ESRRG: variants seen among roughly 807,000 people sequenced by gnomAD.
ESRRG encodes the protein estrogen-related receptor gamma.
ESRRG carries 13 observed loss-of-function variants against 44.0 expected under a neutral mutation model. The ratio of observed to expected loss-of-function variants is 0.30; its 90% CI spans 0.19 to 0.47. The LOEUF (loss-of-function observed/expected upper bound fraction) is 0.47, where lower values mean the gene tolerates loss of function less well. ESRRG is among the 20% of genes least tolerant of loss of function. The pLI, the probability that ESRRG is intolerant of heterozygous loss-of-function variation, is 1.00. For missense variants in ESRRG, 395 were observed against 580.6 expected, an observed-to-expected ratio of 0.68 and a Z score of 3.29; for synonymous variants, 215 against 214.6, an observed-to-expected ratio of 1.00 and a Z score of -0.02.
chr1:217,059,396 C>T (rs146611951), intron 1 of ESRRG, among the ~76,000 whole-genome samples: 72 of 152,140 alleles, frequency 4.7e-4, no homozygotes, highest in East Asian at 1.7e-3. Flanking sequence ...AGTACCAACG[C>T]GCATCCCTAG....
At chr1:216,827,022 C>T (rs1307609147) in intron 2 of ESRRG, among the ~76,000 whole-genome samples, 1 of 152,060 alleles carries the variant, frequency 6.6e-6, no homozygotes, top group African/African-American at 2.4e-5. Flanking sequence ...GCATTGATTG[C>T]TTCAAGACCA....
At chr1:216,848,052 T>G (rs113980730) in intron 2 of ESRRG, among the ~76,000 whole-genome samples, 9 of 152,256 alleles carry the variant, frequency 5.9e-5, no homozygotes, top group African/African-American at 1.9e-4. Flanking sequence ...GTAGGATGTT[T>G]AGCAGCATCC....
intron 1 of ESRRG, among the ~76,000 whole-genome samples, chr1:217,083,673 T>C (rs1199535467): frequency 4.6e-5 from 7 of 152,330 alleles, no homozygotes; most frequent in Non-Finnish European, 7.3e-5. Context: ...TTGAAGGTGA[T>C]TGGGCCAAAG....
intron 2 of ESRRG, among the ~76,000 whole-genome samples, chr1:216,808,929 T>C (rs2094883329): frequency 6.6e-6 from 1 of 151,944 alleles, no homozygotes; most frequent in Non-Finnish European, 1.5e-5. Flanking sequence ...TTTTTTTTTC[T>C]CAAATGGGAA....
In ESRRG at chr1:217,114,445, C is replaced by A. The variant is rs17045277; in HGVS notation, c.-230+23222G>T. Among the ~76,000 whole-genome samples the A allele has an allele frequency of 2.1e-4, 32 of 152,186 alleles. No individual in the cohort carries two copies. In the South Asian group the frequency reaches 6.4e-3, roughly 31 times the overall value. On this transcript the variant is annotated intron_variant, in intron 1 of 8. Transcript: ENST00000366940. ...CCCAGATCAAGGTGTCTAATTGCAG[C>A]TGTAGTCTAACTTCAGGATAAAACA...
chr1:216,869,824 A>AT (rs1287364193), intron 2 of ESRRG, among the ~76,000 whole-genome samples: 1 of 151,888 alleles, frequency 6.6e-6, no homozygotes, highest in Non-Finnish European at 1.5e-5. Flanking sequence ...ATTTTTTTAA[A>AT]TTTTTTAAGT....
At chr1:216,754,118 A>AG (rs2092289454) in intron 2 of ESRRG, among the ~76,000 whole-genome samples, 1 of 152,050 alleles carries the variant, frequency 6.6e-6, no homozygotes, top group Non-Finnish European at 1.5e-5. Context: ...AATGGGAAGC[A>AG]GCTAGACATT....
chr1:217,009,852 C>A (rs2078294540), intron 1 of ESRRG, among the ~76,000 whole-genome samples: 3 of 151,654 alleles, frequency 2.0e-5, no homozygotes, highest in Admixed American at 6.6e-5. Flanking sequence ...ATTACAGGTG[C>A]CTGCCACCGT....
At chr1:216,882,222 T>C (rs1158527409) in intron 2 of ESRRG, among the ~76,000 whole-genome samples, 6 of 152,180 alleles carry the variant, frequency 3.9e-5, no homozygotes, top group Non-Finnish European at 7.3e-5. Context: ...CCTTGAGCTA[T>C]ACATTCCTTG....
chr1:216,803,122 T>C (rs796960223), intron 2 of ESRRG, among the ~76,000 whole-genome samples: 26 of 152,222 alleles, frequency 1.7e-4, no homozygotes, highest in African/African-American at 5.5e-4. Flanking sequence ...TACCCCACAG[T>C]GTCCCCCAAC....
chr1:216,653,032 G>A (rs1183030904), intron 2 of ESRRG, among the ~76,000 whole-genome samples: 1 of 152,126 alleles, frequency 6.6e-6, no homozygotes, highest in African/African-American at 2.4e-5. Context: ...TGAAAAGTCA[G>A]TATGAAGTAA....
At chr1:216,982,034 T>G (rs1161948321) in intron 1 of ESRRG, among the ~76,000 whole-genome samples, 3 of 152,214 alleles carry the variant, frequency 2.0e-5, no homozygotes. Context: ...TTCAGCTTGA[T>G]GAATTCATTA....
chr1:216,806,730 C>A (rs987364083), intron 2 of ESRRG, among the ~76,000 whole-genome samples: 4 of 152,098 alleles, frequency 2.6e-5, no homozygotes, highest in Non-Finnish European at 5.9e-5. Context: ...CTTGAGGAAA[C>A]AAATCCCCTA....
chr1:216,909,380 A>G (rs1378182155), intron 2 of ESRRG, among the ~76,000 whole-genome samples: 3 of 152,178 alleles, frequency 2.0e-5, no homozygotes, highest in Non-Finnish European at 4.4e-5. Flanking sequence ...AAATCACAAT[A>G]CCATGGATAG....
intron 5 of ESRRG, among the ~76,000 whole-genome samples, chr1:216,537,795 G>T (rs925551716): frequency 1.3e-5 from 2 of 152,006 alleles, no homozygotes; most frequent in Non-Finnish European, 2.9e-5. Context: ...GGAAACTGAG[G>T]TGCAAACCCA....
intron 2 of ESRRG, among the ~76,000 whole-genome samples, chr1:216,767,987 C>G (rs895043778): frequency 1.3e-5 from 2 of 152,048 alleles, no homozygotes; most frequent in Non-Finnish European, 2.9e-5. Flanking sequence ...TTTGCACCTA[C>G]CCACATTGTT....
chr1:216,832,330 T>C (rs1250261477), intron 2 of ESRRG, among the ~76,000 whole-genome samples: 2 of 152,210 alleles, frequency 1.3e-5, no homozygotes. Flanking sequence ...TGACTGACGC[T>C]GCTAAGCTGA....
chr1:216,977,167 A>T (rs1560333614), intron 1 of ESRRG, among the ~76,000 whole-genome samples: 1 of 152,030 alleles, frequency 6.6e-6, no homozygotes, highest in African/African-American at 2.4e-5. Context: ...TGGCTTAAAA[A>T]TTTTTTTAGC....
intron 1 of ESRRG, among the ~76,000 whole-genome samples, chr1:217,058,946 A>G (rs1393301738): frequency 6.7e-6 from 1 of 148,504 alleles, no homozygotes; most frequent in African/African-American, 2.4e-5. Context: ...ACTAATAAAA[A>G]CTATAAGTAA....
Sources: gnomAD v4.1 joint callset for allele counts (sites outside exome capture counted in the v4.1 genomes callset) on GRCh38, gnomAD v4.1.1 for gene constraint, MANE v1.5 for transcripts, NCBI Gene and HGNC (gene_info 2026-07-23, HGNC 2026-07-21) for gene names.